Variants in CCDC7 observed in about 807,000 individuals in gnomAD.
CCDC7 encodes coiled-coil domain containing 7.
Under a neutral mutation model 196.9 loss-of-function variants are expected in CCDC7, and 183 were observed. The observed-to-expected ratio is 0.93, with a 90% CI of 0.82 to 1.05. CCDC7 has a LOEUF of 1.05. Among genes scored for constraint, CCDC7 ranks in the 50% least tolerant of loss-of-function variants. The pLI, the probability that CCDC7 is intolerant of heterozygous loss-of-function variation, is 0.00. For missense variants in CCDC7, 1,540 were observed against 1,482.2 expected (o/e 1.04, Z -0.64); for synonymous variants, 525 against 484.6 (o/e 1.08, Z -1.10).
chr10:32,872,747 C>G (rs199969633), intron 41 of CCDC7, among the ~76,000 whole-genome samples: 13,613 of 151,992 alleles, frequency 0.09, 861 homozygotes, highest in East Asian at 0.33. Context: ...GTGACAAAAT[C>G]TCTCAGCATT....
chr10:32,577,645 C>T lies in CCDC7; in HGVS notation c.1455-5389C>T, dbSNP rs925907223. On this transcript the variant is annotated intron_variant, in intron 16 of 41. Coordinates refer to ENST00000639629, the Ensembl canonical transcript of CCDC7. ...CCATTAGTGAATCATGCTTTCTTGT[C>T]AGGTGGCAAATCTTTCAGGCAAGTG... Among the ~76,000 whole-genome samples, 3 of 152,258 alleles carry T rather than the reference C, an allele frequency of 2.0e-5. No individual in the cohort carries two copies. The South Asian group carries it at 6.2e-4, about 32-fold the overall frequency.
chr10:32,511,685 G>A (rs1452830990), intron 9 of CCDC7: 15 of 1,579,596 alleles, frequency 9.5e-6, no homozygotes, highest in Non-Finnish European at 1.3e-5. Context: ...CTCAAACGCT[G>A]ACAAATACTC....
chr10:32,593,758 T>C (rs965774193), intron 18 of CCDC7, among the ~76,000 whole-genome samples: 1 of 152,226 alleles, frequency 6.6e-6, no homozygotes, highest in African/African-American at 2.4e-5. Flanking sequence ...GTTTCAGCTT[T>C]CTACGTATGG....
chr10:32,648,556 A>G (rs2068167605), intron 20 of CCDC7, among the ~76,000 whole-genome samples: 1 of 152,172 alleles, frequency 6.6e-6, no homozygotes, highest in African/African-American at 2.4e-5. Flanking sequence ...GTCAAATGAT[A>G]TTTCTGCCTC....
At chr10:32,733,157 G>A (rs190521396) in intron 28 of CCDC7, among the ~76,000 whole-genome samples, 7 of 151,806 alleles carry the variant, frequency 4.6e-5, no homozygotes, top group Admixed American at 6.6e-5. Flanking sequence ...AATTTAACTT[G>A]ATTATAAAAT....
chr10:32,814,517 A>G (rs553031405), intron 31 of CCDC7, 64 bp downstream of exon 32: 2 of 1,177,182 alleles, frequency 1.7e-6, no homozygotes, highest in East Asian at 2.4e-5. Context: ...GAGTGTAACT[A>G]AGTGTGCATC....
At chr10:32,524,591 T>C (rs1283085605) in intron 11 of CCDC7, among the ~76,000 whole-genome samples, 5 of 152,222 alleles carry the variant, frequency 3.3e-5, no homozygotes, top group African/African-American at 9.6e-5. Context: ...CCTCAACTTT[T>C]GTTTATATGG....
At chr10:32,522,661 C>G (rs1033912380) in intron 11 of CCDC7, among the ~76,000 whole-genome samples, 2 of 152,106 alleles carry the variant, frequency 1.3e-5, no homozygotes, top group East Asian at 3.9e-4. Context: ...ATCAGAAATT[C>G]ATTTATGTCT....
chr10:32,835,725 T>C (rs1177231077), intron 33 of CCDC7, among the ~76,000 whole-genome samples: 1 of 152,044 alleles, frequency 6.6e-6, no homozygotes, highest in Non-Finnish European at 1.5e-5. Flanking sequence ...GAAAAATAAC[T>C]AATGGGTACT....
chr10:32,809,737 G>A (rs2086665345), intron 30 of CCDC7, among the ~76,000 whole-genome samples: 2 of 152,326 alleles, frequency 1.3e-5, no homozygotes, highest in Admixed American at 1.3e-4. Context: ...AACAGATGCT[G>A]GAGAGGATGT....
exon 3 of CCDC7, chr10:32,456,303 A>G: frequency 6.4e-7 from 1 of 1,573,196 alleles, no homozygotes; most frequent in Non-Finnish European, 8.7e-7. Context: ...TTTGCAGCTC[A>G]GCTAGAAGAA....
At chr10:32,670,381 C>CT (rs201036522) in intron 21 of CCDC7, among the ~76,000 whole-genome samples, 215 of 141,396 alleles carry the variant, frequency 1.5e-3, no homozygotes, top group Middle Eastern at 0.014. Flanking sequence ...TATTTACTTT[C>CT]TTTTTTTTTT....
At chr10:32,755,890 A>T (rs2076358863) in intron 28 of CCDC7, among the ~76,000 whole-genome samples, 1 of 152,204 alleles carries the variant, frequency 6.6e-6, no homozygotes, top group African/African-American at 2.4e-5. Context: ...AACTAGAATA[A>T]ACAGTGTAGA....
At chr10:32,658,946 A>T (rs2070620807) in intron 20 of CCDC7, among the ~76,000 whole-genome samples, 1 of 151,990 alleles carries the variant, frequency 6.6e-6, no homozygotes, top group African/African-American at 2.4e-5. Flanking sequence ...TGTATAGCTA[A>T]AATTTTGCCA....
In CCDC7 at chr10:32,496,524, G is replaced by T. The variant is rs539631211; in HGVS notation, c.872+4527G>T. 5.9e-5 allele frequency among the ~76,000 whole-genome samples: 9 copies of T among 152,140 alleles called. 1 individual carries two copies. The South Asian group carries it at 1.9e-3, about 32-fold the overall frequency. On this transcript the variant is annotated intron_variant, in intron 9 of 41. Coordinates refer to ENST00000639629, the Ensembl canonical transcript of CCDC7. The stretch of plus-strand genomic sequence containing the variant: ...GTATGATATACTGATATTGGCTGTG[G>T]GTTTGTCATAAATAGCTCTTATTAT...
intron 29 of CCDC7, among the ~76,000 whole-genome samples, chr10:32,797,244 CGTATATATATGTGT>C (rs2083772806): frequency 6.8e-6 from 1 of 147,996 alleles, no homozygotes; most frequent in African/African-American, 2.5e-5. Flanking sequence ...TATATATATG[CGTATATATATGTGT>C]GTATATATAT....
At chr10:32,672,826 G>A (rs925692221) in intron 21 of CCDC7, among the ~76,000 whole-genome samples, 1 of 152,122 alleles carries the variant, frequency 6.6e-6, no homozygotes, top group African/African-American at 2.4e-5. Context: ...TCATTAATGT[G>A]CCCATGACAC....
At chr10:32,784,240 C>G (rs1442742245) in intron 29 of CCDC7, among the ~76,000 whole-genome samples, 2 of 151,758 alleles carry the variant, frequency 1.3e-5, no homozygotes, top group East Asian at 3.9e-4. Flanking sequence ...TTTTTAAGTT[C>G]CAGGGTACAT....
chr10:32,849,813 G>T (rs2093474076), intron 39 of CCDC7, among the ~76,000 whole-genome samples: 1 of 152,056 alleles, frequency 6.6e-6, no homozygotes, highest in Non-Finnish European at 1.5e-5. Context: ...GAAGTCTAAG[G>T]TTACATGGAG....
Sources: allele counts gnomAD v4.1 joint callset (sites outside exome capture counted in the v4.1 genomes callset), GRCh38; gene constraint gnomAD v4.1.1; transcripts MANE v1.5; gene names NCBI Gene and HGNC (gene_info 2026-07-23, HGNC 2026-07-21).